TBX19: variants seen among roughly 807,000 people sequenced by gnomAD.
The protein encoded by TBX19 is T-box transcription factor TBX19.
In TBX19, 33 loss-of-function variants were observed where a neutral mutation model predicts 40.9. The ratio of observed to expected loss-of-function variants is 0.81; its 90% CI spans 0.61 to 1.08. TBX19 has a LOEUF of 1.08. TBX19 is among the 50% of genes least tolerant of loss of function. TBX19 has a pLI of 0.00. For missense variants in TBX19, 494 were observed against 574.0 expected, an observed-to-expected ratio of 0.86 and a Z score of 1.42; for synonymous variants, 220 against 225.0, an observed-to-expected ratio of 0.98 and a Z score of 0.20.
chr1:168,282,319 A>G (rs1648679336), intron 1 of TBX19, among the ~76,000 whole-genome samples: 2 of 152,192 alleles, frequency 1.3e-5, no homozygotes, highest in Non-Finnish European at 2.9e-5. Context: ...TCGGTTTTCT[A>G]TATTTTAATA....
chr1:168,297,664 G>T (rs1296817909), intron 3 of TBX19, 60 bp from the exon 4 acceptor site: 2 of 1,463,818 alleles, frequency 1.4e-6, no homozygotes, highest in Non-Finnish European at 1.9e-6. Context: ...AAGACAAAGG[G>T]TTCTGTTTGC....
At position 168,291,283 on chromosome 1, in the gene TBX19, G is replaced by T; in HGVS notation, c.327G>T (p.Val109=). ...GGAAGTACGTCAACGGGGAATGGGT[G>T]CCCGCTGGCAAGCCAGAGGTCTCCA... ...HRWKYVNGEW[V]PAGKPEVSSH... is the part of the protein sequence containing the mutation. The change falls in exon 2 of 8, where the codon GTG becomes GTT. Residue 109 remains valine (V), a synonymous_variant. Transcript: ENST00000367821. The T allele has an allele frequency of 6.2e-7, 1 of 1,614,184 alleles. No homozygotes were observed. The highest frequency in any genetic ancestry group is 8.5e-7 in the Non-Finnish European group (1 of 1,180,032).
At position 168,295,820 on chromosome 1, in the gene TBX19, G is replaced by A. The variant is rs538203386; in HGVS notation, c.604-1904G>A. On this transcript the variant is annotated intron_variant, in intron 3 of 7. Transcript: ENST00000367821. Reference sequence around the variant, plus strand: ...CTAACCTCCTCTGGTCTCCCGGCAAGGCCCCTGCCCACTGGTGTGCTGTTG... The same window carrying A: ...CTAACCTCCTCTGGTCTCCCGGCAAAGCCCCTGCCCACTGGTGTGCTGTTG... 2.0e-3 allele frequency among the ~76,000 whole-genome samples: 308 copies of A among 152,300 alleles called. 3 individuals are homozygous for A. Among genetic ancestry groups the A allele is most frequent in the Middle Eastern group, 6.8e-3 (2 of 294 alleles).
chr1:168,307,536 G>A (rs1649432698), intron 6 of TBX19, among the ~76,000 whole-genome samples: 1 of 151,996 alleles, frequency 6.6e-6, no homozygotes, highest in African/African-American at 2.4e-5. Flanking sequence ...CTCTTGCATT[G>A]GGAATTAAGT....
In TBX19 at chr1:168,281,000, A is replaced by G; in HGVS notation, c.-91A>G. Reference sequence around the variant, plus strand: ...CTCTCCGCTCCCCAAGCACTGTTCAAGTGGGTTTGAAAAGCAGGCAAGTGA... The same window carrying G: ...CTCTCCGCTCCCCAAGCACTGTTCAGGTGGGTTTGAAAAGCAGGCAAGTGA... On this transcript the variant is annotated 5_prime_UTR_variant, in exon 1 of 8. Coordinates refer to ENST00000367821, the MANE Select transcript of TBX19 (RefSeq NM_005149.3). 2 of 1,236,912 alleles carry G rather than the reference A, an allele frequency of 1.6e-6. No individual in the cohort carries two copies. The highest frequency in any genetic ancestry group is 2.3e-6 in the Non-Finnish European group (2 of 852,268). 76.6% of individuals were successfully genotyped at this position (1,236,912 alleles called of 1,614,324 possible). A position where few individuals can be genotyped will look rare whatever the true frequency, so the allele number is the denominator to read the frequency against.
chr1:168,283,704 T>C (rs1330373053), intron 1 of TBX19, among the ~76,000 whole-genome samples: 1 of 152,196 alleles, frequency 6.6e-6, no homozygotes, highest in Non-Finnish European at 1.5e-5. Flanking sequence ...GCAGGTAGAT[T>C]TGTGGCCCTT....
chr1:168,309,510 T>C (rs1649476953), intron 7 of TBX19, among the ~76,000 whole-genome samples: 1 of 152,150 alleles, frequency 6.6e-6, no homozygotes. Flanking sequence ...AGAGGAAAAG[T>C]ATAAATATAC....
rs1321801088 is a variant in TBX19, at chr1:168,281,066, T to C, written c.-25T>C. The C allele has an allele frequency of 1.2e-6, 2 of 1,613,276 alleles. No individual in the cohort carries two copies. The highest frequency in any genetic ancestry group is 1.7e-4 in the Middle Eastern group (1 of 6,010). ...AGAAGCAGGCAAGTTGGGTAACGGC[T>C]CTCGGCAAAGTTCGAGAAGTGCCTA... is the stretch of plus-strand genomic sequence containing the variant. On this transcript the variant is annotated 5_prime_UTR_variant, in exon 1 of 8. Transcript: ENST00000367821.
chr1:168,291,082 A>G, intron 1 of TBX19, 78 bp from the exon 2 acceptor site: 3 of 1,598,840 alleles, frequency 1.9e-6, no homozygotes, highest in Non-Finnish European at 2.6e-6. Flanking sequence ...GGAAGGTCTC[A>G]GTATTGAGAG....
intron 7 of TBX19, among the ~76,000 whole-genome samples, chr1:168,311,359 AC>A (rs1425403989): frequency 1.3e-5 from 2 of 152,156 alleles, no homozygotes; most frequent in Non-Finnish European, 2.9e-5. Flanking sequence ...AGTAAGCAGT[AC>A]CTCTCAGAGC....
chr1:168,293,358 G>GT lies in TBX19; in HGVS notation c.603+80_603+81insT, dbSNP rs1649002097. 4.3e-5 allele frequency: 64 copies of GT among 1,490,192 alleles called. 2 individuals carry two copies. In the South Asian group the frequency reaches 7.7e-4, roughly 18 times the overall value. 92.3% of individuals were successfully genotyped at this position (1,490,192 alleles called of 1,614,324 possible). The stretch of plus-strand genomic sequence containing the variant: ...CACCTGGGAGATCATGGCAGGATGG[G>GT]CGGGGGGGGTCCTTTTAGATGAAAG... On this transcript the variant is annotated intron_variant, in intron 3 of 7. Coordinates refer to ENST00000367821, the MANE Select transcript of TBX19 (RefSeq NM_005149.3).
rs1649570030 is a variant in TBX19, at chr1:168,313,280, T to G, written c.*278T>G. ...ACAGAAGTTTGTTAAGTACCATCCT[T>G]GTGCCCTGCCTCTTATTCTCAAATC... On this transcript the variant is annotated 3_prime_UTR_variant, in exon 8 of 8. Transcript: ENST00000367821. 1 of 507,148 alleles carries G rather than the reference T, an allele frequency of 2.0e-6. No homozygotes were observed. Among genetic ancestry groups the G allele is most frequent in the East Asian group, 3.6e-5 (1 of 27,468 alleles). 31.4% of individuals were successfully genotyped at this position (507,148 alleles called of 1,614,324 possible).
At chr1:168,308,282 A>G (rs1649450568) in intron 6 of TBX19, 1 of 197,034 alleles carries the variant, frequency 5.1e-6, no homozygotes, top group Non-Finnish European at 1.0e-5. Context: ...TGCCGGGCCA[A>G]AAGGCACTGT....
At chr1:168,300,322 T>G in intron 4 of TBX19, 100 bp from the exon 5 acceptor site, 2 of 1,106,150 alleles carry the variant, frequency 1.8e-6, no homozygotes, top group Non-Finnish European at 2.7e-6. Context: ...TTTCTTATTC[T>G]AAGAAATTGA....
intron 1 of TBX19, among the ~76,000 whole-genome samples, chr1:168,285,700 C>T (rs972199972): frequency 2.6e-5 from 4 of 152,202 alleles, no homozygotes; most frequent in East Asian, 1.9e-4. Context: ...TATGCTGTTA[C>T]TTAGGGACTG....
At chr1:168,282,075 G>A (rs1424271828) in intron 1 of TBX19, among the ~76,000 whole-genome samples, 7 of 152,102 alleles carry the variant, frequency 4.6e-5, no homozygotes, top group Non-Finnish European at 8.8e-5. Flanking sequence ...AAATCTCACC[G>A]CTCGCAGCTT....
At chr1:168,308,911 G>A (rs146825210) in intron 7 of TBX19, 34 bp downstream of exon 7, 20,924 of 1,613,910 alleles carry the variant, frequency 0.013, 180 homozygotes, top group Non-Finnish European at 0.015. Flanking sequence ...CTCATTGGTC[G>A]TCTTGGGGGT....
intron 1 of TBX19, among the ~76,000 whole-genome samples, chr1:168,289,168 A>C (rs991822432): frequency 6.6e-6 from 1 of 152,214 alleles, no homozygotes; most frequent in Non-Finnish European, 1.5e-5. Flanking sequence ...TGTCAGAATA[A>C]CCCTATATGA....
At chr1:168,310,852 C>A (rs1649504825) in intron 7 of TBX19, among the ~76,000 whole-genome samples, 1 of 142,638 alleles carries the variant, frequency 7.0e-6, no homozygotes, top group African/African-American at 2.6e-5. Flanking sequence ...AAAAATATAA[C>A]AGTATATGTA....
Sources: gnomAD v4.1 joint callset for allele counts (sites outside exome capture counted in the v4.1 genomes callset) on GRCh38, gnomAD v4.1.1 for gene constraint, MANE v1.5 for transcripts, NCBI Gene and HGNC (gene_info 2026-07-23, HGNC 2026-07-21) for gene names.